UNC80: variants seen among roughly 807,000 people sequenced by gnomAD.
UNC80 encodes unc-80 subunit of NALCN channel complex, also known as protein unc-80 homolog.
A neutral mutation model predicts 384.6 loss-of-function variants in UNC80; 164 were observed. The observed-to-expected ratio is 0.43, with a 90% confidence interval of 0.38 to 0.49. The LOEUF is 0.49. UNC80 is among the 20% of genes least tolerant of loss of function. The pLI, the probability that UNC80 is intolerant of heterozygous loss-of-function variation, is 0.00. For synonymous variants in UNC80, 1,486 were observed against 1,527.8 expected (o/e 0.97, Z 0.64); for missense variants, 3,330 against 4,143.0 (o/e 0.80, Z 5.39).
intron 4 of UNC80, among the ~76,000 whole-genome samples, chr2:209,784,171 G>A (rs1413422580): frequency 1.3e-5 from 2 of 152,074 alleles, no homozygotes; most frequent in Non-Finnish European, 2.9e-5. Context: ...AATGCATTGA[G>A]AATCTACCAC....
At chr2:209,923,643 GA>G (rs2090212370) in intron 35 of UNC80, among the ~76,000 whole-genome samples, 1 of 151,996 alleles carries the variant, frequency 6.6e-6, no homozygotes, top group Non-Finnish European at 1.5e-5. Context: ...CTTTCTCATT[GA>G]TTATTTTGTC....
intron 7 of UNC80, among the ~76,000 whole-genome samples, chr2:209,799,820 G>A (rs763121178): frequency 3.3e-5 from 5 of 152,180 alleles, no homozygotes; most frequent in African/African-American, 7.2e-5. Flanking sequence ...TGTGTCTATT[G>A]AGATAATCAT....
chr2:209,804,755 T>G (rs867473023), intron 7 of UNC80, among the ~76,000 whole-genome samples: 1 of 110,576 alleles, frequency 9.0e-6, no homozygotes, highest in African/African-American at 4.5e-5. Flanking sequence ...TTAGAGAGTT[T>G]TTTTTTTGTT....
chr2:209,809,522 C>G, intron 7 of UNC80: 1 of 1,065,134 alleles, frequency 9.4e-7, no homozygotes, highest in Non-Finnish European at 1.5e-6. Context: ...CGAACCTTCT[C>G]CCGAATGGCC....
chr2:209,934,959 G>A (rs372908310), intron 39 of UNC80, among the ~76,000 whole-genome samples: 1 of 152,100 alleles, frequency 6.6e-6, no homozygotes, highest in Non-Finnish European at 1.5e-5. Context: ...AAAAATTGAG[G>A]TATATCATAA....
At chr2:209,946,509 G>GTCTTGTTAGAAAA (rs2091925155) in intron 47 of UNC80, among the ~76,000 whole-genome samples, 1 of 152,110 alleles carries the variant, frequency 6.6e-6, no homozygotes, top group Non-Finnish European at 1.5e-5. Flanking sequence ...AGATGCTAAG[G>GTCTTGTTAGAAAA]TATTTAGTCT....
rs2153827833 is a variant in UNC80, at chr2:209,820,574, A to T, written c.2226A>T (p.Gly742=). 4 of 1,551,446 alleles carry T rather than the reference A, an allele frequency of 2.6e-6. No individual in the cohort carries two copies. In the East Asian group the frequency reaches 9.8e-5, roughly 38 times the overall value. The stretch of plus-strand genomic sequence containing the variant: ...TTAGTGGAGCTGGAGATGGTGGAGG[A>T]GAAGAAGGAGGAGGTGGAGATGGAG... ...PAVSGAGDGG[G]EEGGGGDGGG... is the part of the protein sequence containing the mutation. The change falls in exon 13 of 65, where the codon GGA becomes GGT. Residue 742 remains glycine (G), a synonymous_variant. Coordinates refer to ENST00000673920, the MANE Select transcript of UNC80 (RefSeq NM_001371986.1).
At chr2:209,904,367 A>G (rs1446434543) in intron 28 of UNC80, among the ~76,000 whole-genome samples, 1 of 152,260 alleles carries the variant, frequency 6.6e-6, no homozygotes, top group Non-Finnish European at 1.5e-5. Flanking sequence ...AAGGTCAGCC[A>G]GATCCTCTGG....
At chr2:209,849,751 A>C in intron 22 of UNC80, 128 bp downstream of exon 22, 1 of 1,007,160 alleles carries the variant, frequency 9.9e-7, no homozygotes, top group Non-Finnish European at 1.4e-6. Context: ...ATTAGTGATA[A>C]AAGGGGGAAG....
intron 56 of UNC80, 137 bp from the exon 57 acceptor site, chr2:209,975,982 T>C (rs1408397304): frequency 3.4e-6 from 3 of 879,184 alleles, no homozygotes; most frequent in African/African-American, 1.7e-5. Context: ...CGGGAATACA[T>C]ACGAAGTTTT....
At chr2:209,821,587 C>T (rs2080136263) in intron 13 of UNC80, among the ~76,000 whole-genome samples, 2 of 152,078 alleles carry the variant, frequency 1.3e-5, no homozygotes, top group Non-Finnish European at 2.9e-5. Context: ...CTCATTCAGC[C>T]CTCTCATGTC....
At chr2:209,891,846 C>T (rs2086364639) in intron 26 of UNC80, among the ~76,000 whole-genome samples, 1 of 152,048 alleles carries the variant, frequency 6.6e-6, no homozygotes, top group Non-Finnish European at 1.5e-5. Context: ...AAAATGAAGA[C>T]AATAGAGACA....
intron 49 of UNC80, 146 bp from the exon 50 acceptor site, chr2:209,958,973 T>C (rs1165164367): frequency 3.3e-6 from 2 of 610,064 alleles, no homozygotes; most frequent in African/African-American, 3.7e-5. Context: ...AAAGCCTTTA[T>C]GTTTTAGGAG....
intron 7 of UNC80, chr2:209,808,724 A>C (rs1269882420): frequency 2.2e-5 from 2 of 92,564 alleles, no homozygotes; most frequent in East Asian, 4.4e-4. Context: ...GGCTGCACTC[A>C]TTGCTCCAAG....
At chr2:209,971,464 C>CAAA (rs35804573) in intron 54 of UNC80, among the ~76,000 whole-genome samples, 3,077 of 133,646 alleles carry the variant, frequency 0.023, 76 homozygotes, top group African/African-American at 0.043. Context: ...ATTCCCAAGG[C>CAAA]AAAAAAAAAA....
At chr2:209,974,790 T>C (rs1390025938) in intron 56 of UNC80, among the ~76,000 whole-genome samples, 2 of 152,230 alleles carry the variant, frequency 1.3e-5, no homozygotes, top group African/African-American at 4.8e-5. Context: ...TGAGTCACTT[T>C]TATACACTGC....
chr2:209,941,891 C>G (rs2091656592), intron 44 of UNC80, among the ~76,000 whole-genome samples: 1 of 152,140 alleles, frequency 6.6e-6, no homozygotes, highest in South Asian at 2.1e-4. Context: ...TTGGGGAACA[C>G]AGCAAGACCA....
intron 4 of UNC80, among the ~76,000 whole-genome samples, chr2:209,785,614 G>GA (rs770878259): frequency 2.5e-4 from 38 of 152,058 alleles, no homozygotes; most frequent in Non-Finnish European, 4.6e-4. Flanking sequence ...TAAAATGTAA[G>GA]AAAAAAGATG....
At chr2:209,970,196 G>A in intron 53 of UNC80, 3 of 335,230 alleles carry the variant, frequency 8.9e-6, no homozygotes, top group Non-Finnish European at 5.4e-6. Flanking sequence ...GGCGGAGCCT[G>A]CACAATTGGC....
Sources: allele counts gnomAD v4.1 joint callset (sites outside exome capture counted in the v4.1 genomes callset), GRCh38; gene constraint gnomAD v4.1.1; transcripts MANE v1.5; gene names NCBI Gene and HGNC (gene_info 2026-07-23, HGNC 2026-07-21).